ADK: variants seen among roughly 807,000 people sequenced by gnomAD.
The protein encoded by ADK is adenosine kinase, also known as N6,N6-dimethyladenosine kinase.
Under a neutral mutation model 44.7 loss-of-function variants are expected in ADK, and 24 were observed. The ratio of observed to expected loss-of-function variants is 0.54; its 90% CI spans 0.39 to 0.76. The LOEUF is 0.76. Ranked by LOEUF, ADK falls within the 30% of genes least tolerant of loss-of-function variation. The pLI, the probability that ADK is intolerant of heterozygous loss-of-function variation, is 0.00. For synonymous variants in ADK, 128 were observed against 142.6 expected (o/e 0.90, Z 0.73); for missense variants, 321 against 425.1 (o/e 0.76, Z 2.15).
At chr10:74,449,996 C>T (rs976433230) in intron 6 of ADK, among the ~76,000 whole-genome samples, 2 of 152,104 alleles carry the variant, frequency 1.3e-5, no homozygotes, top group African/African-American at 4.8e-5. Context: ...GTCGAAATCA[C>T]TGTATCTAAA....
At chr10:74,638,669 T>C (rs1853711029) in intron 9 of ADK, among the ~76,000 whole-genome samples, 1 of 152,182 alleles carries the variant, frequency 6.6e-6, no homozygotes, top group South Asian at 2.1e-4. Flanking sequence ...TCAATCAAAC[T>C]TATTTGAACC....
intron 6 of ADK, among the ~76,000 whole-genome samples, chr10:74,444,804 A>T (rs1241014845): frequency 6.6e-6 from 1 of 152,028 alleles, no homozygotes; most frequent in Non-Finnish European, 1.5e-5. Context: ...TTCCTAAAAG[A>T]TAAGATTTTT....
chr10:74,702,285 G>A (rs1011124917), intron 10 of ADK, among the ~76,000 whole-genome samples: 1 of 151,506 alleles, frequency 6.6e-6, no homozygotes, highest in Non-Finnish European at 1.5e-5. Flanking sequence ...CCGGATTCAA[G>A]CGATTCTCCT....
At chr10:74,216,791 A>G (rs1844054860) in intron 2 of ADK, among the ~76,000 whole-genome samples, 1 of 152,154 alleles carries the variant, frequency 6.6e-6, no homozygotes, top group Non-Finnish European at 1.5e-5. Flanking sequence ...TTAACACTTA[A>G]AAGGTTTTTA....
chr10:74,176,650 G>C (rs1473968135), intron 1 of ADK: 23 of 1,412,004 alleles, frequency 1.6e-5, no homozygotes, highest in Non-Finnish European at 2.1e-5. Context: ...CGGCGTCTGG[G>C]GACGATCTCC....
intron 6 of ADK, among the ~76,000 whole-genome samples, chr10:74,517,955 C>A (rs568800400): frequency 6.6e-6 from 1 of 151,966 alleles, no homozygotes; most frequent in Non-Finnish European, 1.5e-5. Context: ...TTATCTTAAT[C>A]GTTGTCAGGG....
At chr10:74,273,297 C>T (rs141300192) in intron 3 of ADK, among the ~76,000 whole-genome samples, 3 of 152,134 alleles carry the variant, frequency 2.0e-5, no homozygotes, top group African/African-American at 7.2e-5. Flanking sequence ...TCAAGCAAGA[C>T]ATGTTTAAAG....
At chr10:74,697,647 A>T (rs1393868229) in intron 10 of ADK, among the ~76,000 whole-genome samples, 1 of 152,188 alleles carries the variant, frequency 6.6e-6, no homozygotes, top group Non-Finnish European at 1.5e-5. Context: ...ACTCATAAAG[A>T]CTTTGTTCAT....
At chr10:74,329,106 C>CAAAAAA (rs138730631) in intron 4 of ADK, among the ~76,000 whole-genome samples, 11 of 82,120 alleles carry the variant, frequency 1.3e-4, no homozygotes, top group South Asian at 5.1e-4. Flanking sequence ...TCTGTGCAGG[C>CAAAAAA]AAAAAAAAAA....
chr10:74,580,385 G>A (rs180972049), intron 7 of ADK, among the ~76,000 whole-genome samples: 308 of 152,150 alleles, frequency 2.0e-3, no homozygotes, highest in Non-Finnish European at 3.7e-3. Flanking sequence ...AAACCAGCTT[G>A]ACCAACATGG....
chr10:74,708,298 G>GT lies in ADK; in HGVS notation c.965-14dup, dbSNP rs747070795. 1,770 of 1,579,438 alleles carry GT rather than the reference G, an allele frequency of 1.1e-3. 14 individuals carry two copies. The highest frequency in any genetic ancestry group is 1.4e-3 in the South Asian group (131 of 90,432). On this transcript the variant is annotated intron_variant, in intron 10 of 10. Transcript: ENST00000539909. ...TGCTGCTGTTATACAATACTCATGT[G>GT]TTTTTTTTTGCCTGTGTTCTAGGTT...
intron 4 of ADK, among the ~76,000 whole-genome samples, chr10:74,373,612 A>G (rs182727338): frequency 3.2e-4 from 48 of 152,308 alleles, no homozygotes; most frequent in Admixed American, 1.2e-3. Context: ...CAAAACTACA[A>G]TGAGATACCA....
intron 9 of ADK, among the ~76,000 whole-genome samples, chr10:74,633,255 T>A (rs1335895085): frequency 6.6e-6 from 1 of 152,220 alleles, no homozygotes; most frequent in Non-Finnish European, 1.5e-5. Context: ...ATACACATTG[T>A]TCCACACCTT....
At chr10:74,460,143 A>G (rs1220155385) in intron 6 of ADK, among the ~76,000 whole-genome samples, 1 of 152,194 alleles carries the variant, frequency 6.6e-6, no homozygotes, top group African/African-American at 2.4e-5. Context: ...CCCTAACGGC[A>G]AAAGGGCACC....
At chr10:74,296,563 T>C (rs1414054738) in intron 3 of ADK, among the ~76,000 whole-genome samples, 1 of 152,070 alleles carries the variant, frequency 6.6e-6, no homozygotes, top group African/African-American at 2.4e-5. Flanking sequence ...TACAACCTCT[T>C]TGAAGGAGAA....
At chr10:74,493,485 TATAG>T (rs1409014047) in intron 6 of ADK, among the ~76,000 whole-genome samples, 8 of 151,312 alleles carry the variant, frequency 5.3e-5, no homozygotes, top group Non-Finnish European at 1.0e-4. Flanking sequence ...TAGAGAGATA[TATAG>T]ATATAGAGAG....
chr10:74,569,891 G>T (rs982835884), intron 7 of ADK, among the ~76,000 whole-genome samples: 20 of 152,206 alleles, frequency 1.3e-4, no homozygotes, highest in Non-Finnish European at 2.1e-4. Context: ...TTCTTCTAGG[G>T]TTTTTATGGT....
chr10:74,205,429 A>C (rs983951767), intron 2 of ADK, among the ~76,000 whole-genome samples: 3 of 152,094 alleles, frequency 2.0e-5, no homozygotes, highest in African/African-American at 7.2e-5. Flanking sequence ...TAATCCCAGC[A>C]CTTTGGGAGG....
intron 7 of ADK, 55 bp downstream of exon 7, chr10:74,525,481 C>A: frequency 1.4e-6 from 2 of 1,427,552 alleles, no homozygotes; most frequent in South Asian, 1.2e-5. Flanking sequence ...TTGTTTATTT[C>A]TGATGTGTGT....
Sources: gnomAD v4.1 joint callset for allele counts (sites outside exome capture counted in the v4.1 genomes callset) on GRCh38, gnomAD v4.1.1 for gene constraint, MANE v1.5 for transcripts, NCBI Gene and HGNC (gene_info 2026-07-23, HGNC 2026-07-21) for gene names.